The following GABBR2 variants were observed in gnomAD, a reference collection of about 807,000 sequenced individuals.
The protein encoded by GABBR2 is gamma-aminobutyric acid type B receptor subunit 2.
A neutral mutation model predicts 105.6 loss-of-function variants in GABBR2; 23 were observed. That is an observed-to-expected ratio of 0.22 (90% CI 0.16 to 0.31). The LOEUF is 0.31. Among genes scored for constraint, GABBR2 ranks in the 10% least tolerant of loss-of-function variants. The pLI is 1.00. For synonymous variants in GABBR2, 478 were observed against 499.7 expected, an observed-to-expected ratio of 0.96 and a Z score of 0.58; for missense variants, 734 against 1,245.5, an observed-to-expected ratio of 0.59 and a Z score of 6.18.
chr9:98,442,305 C>G (rs1019398837), intron 7 of GABBR2, among the ~76,000 whole-genome samples: 3 of 152,156 alleles, frequency 2.0e-5, no homozygotes, highest in Admixed American at 2.0e-4. Flanking sequence ...ACAGAGCTCC[C>G]CCTGGAAACT....
intron 7 of GABBR2, among the ~76,000 whole-genome samples, chr9:98,418,740 A>T (rs1469434628): frequency 6.6e-6 from 1 of 152,188 alleles, no homozygotes; most frequent in Admixed American, 6.5e-5. Flanking sequence ...GGTGATGCCT[A>T]CAGAGTTGGC....
At chr9:98,460,252 G>A (rs758987030) in intron 6 of GABBR2, among the ~76,000 whole-genome samples, 7 of 152,076 alleles carry the variant, frequency 4.6e-5, no homozygotes, top group Non-Finnish European at 8.8e-5. Flanking sequence ...GCATGGTGGC[G>A]GGCACCTGTA....
At chr9:98,386,864 G>T (rs1276628120) in intron 10 of GABBR2, among the ~76,000 whole-genome samples, 2 of 152,212 alleles carry the variant, frequency 1.3e-5, no homozygotes, top group African/African-American at 4.8e-5. Flanking sequence ...CGGCTTTCAA[G>T]TTGGGAGCAG....
chr9:98,414,497 A>G (rs1014414443), intron 7 of GABBR2, among the ~76,000 whole-genome samples: 2 of 152,222 alleles, frequency 1.3e-5, no homozygotes, highest in Non-Finnish European at 2.9e-5. Flanking sequence ...AAGGATGCTG[A>G]GCTTCATTTT....
intron 6 of GABBR2, among the ~76,000 whole-genome samples, chr9:98,466,065 A>G (rs1372242214): frequency 6.6e-6 from 1 of 152,204 alleles, no homozygotes; most frequent in Non-Finnish European, 1.5e-5. Flanking sequence ...CTTCTGCTCC[A>G]GACATGCCTG....
chr9:98,390,388 A>C (rs1343238430), intron 9 of GABBR2, among the ~76,000 whole-genome samples: 8 of 150,668 alleles, frequency 5.3e-5, no homozygotes, highest in African/African-American at 2.0e-4. Flanking sequence ...AAAAAAAAAA[A>C]AAAAAAAAAA....
chr9:98,603,499 A>G (rs183656894), intron 1 of GABBR2, among the ~76,000 whole-genome samples: 1 of 152,294 alleles, frequency 6.6e-6, no homozygotes, highest in Admixed American at 6.5e-5. Flanking sequence ...ATCCTTACTG[A>G]ACCTTCCAAC....
intron 9 of GABBR2, among the ~76,000 whole-genome samples, chr9:98,393,478 T>A (rs1832232169): frequency 6.7e-6 from 1 of 149,766 alleles, no homozygotes; most frequent in Non-Finnish European, 1.5e-5. Flanking sequence ...CATCCATCCA[T>A]CCACTCATCC....
intron 1 of GABBR2, among the ~76,000 whole-genome samples, chr9:98,586,284 CT>C (rs569530376): frequency 0.16 from 20,707 of 131,244 alleles, 1,174 homozygotes; most frequent in Middle Eastern, 0.26. Context: ...TCTTTTCTTT[CT>C]TTTTTTTTTT....
At chr9:98,387,360 CA>C (rs1323845872) in intron 10 of GABBR2, among the ~76,000 whole-genome samples, 2 of 152,286 alleles carry the variant, frequency 1.3e-5, no homozygotes, top group Non-Finnish European at 2.9e-5. Flanking sequence ...TATGATGGGG[CA>C]ACTTGCTGTC....
chr9:98,401,063 GA>G (rs144453984), intron 8 of GABBR2, among the ~76,000 whole-genome samples: 9,756 of 152,116 alleles, frequency 0.064, 415 homozygotes, highest in Non-Finnish European at 0.089. Flanking sequence ...TCACTGTTAA[GA>G]GTGCCCAAGA....
intron 13 of GABBR2, among the ~76,000 whole-genome samples, chr9:98,321,708 A>G (rs1038521419): frequency 6.6e-6 from 1 of 152,220 alleles, no homozygotes; most frequent in Non-Finnish European, 1.5e-5. Context: ...TCCCTCAGAC[A>G]TGGCATGGTA....
At chr9:98,638,239 A>G (rs1374382786) in intron 1 of GABBR2, among the ~76,000 whole-genome samples, 3 of 152,224 alleles carry the variant, frequency 2.0e-5, no homozygotes, top group Non-Finnish European at 4.4e-5. Flanking sequence ...AGTTACCCCA[A>G]GGTTGTCCTA....
chr9:98,400,951 C>T (rs181843458), intron 8 of GABBR2, among the ~76,000 whole-genome samples: 1 of 152,052 alleles, frequency 6.6e-6, no homozygotes, highest in Non-Finnish European at 1.5e-5. Flanking sequence ...CATGGACCAA[C>T]GACAATGACT....
intron 1 of GABBR2, among the ~76,000 whole-genome samples, chr9:98,609,232 C>A (rs1031151173): frequency 1.3e-5 from 2 of 152,208 alleles, no homozygotes; most frequent in Non-Finnish European, 2.9e-5. Context: ...CTCTTACAGA[C>A]TGGCATCCCA....
intron 3 of GABBR2, among the ~76,000 whole-genome samples, chr9:98,518,099 G>C (rs917891604): frequency 1.3e-5 from 2 of 152,168 alleles, no homozygotes; most frequent in Non-Finnish European, 2.9e-5. Flanking sequence ...TTCCTGGCTT[G>C]GTTAGAGCCC....
intron 4 of GABBR2, among the ~76,000 whole-genome samples, chr9:98,482,189 A>C (rs906081994): frequency 3.9e-5 from 6 of 152,244 alleles, no homozygotes; most frequent in African/African-American, 1.4e-4. Flanking sequence ...AAGTAGAAAA[A>C]TATGCTTTTA....
At chr9:98,340,661 G>A (rs189511066) in intron 13 of GABBR2, among the ~76,000 whole-genome samples, 1 of 152,272 alleles carries the variant, frequency 6.6e-6, no homozygotes, top group Admixed American at 6.5e-5. Flanking sequence ...CATCAGACAT[G>A]CAGTACGTAA....
intron 11 of GABBR2, among the ~76,000 whole-genome samples, chr9:98,372,230 G>A (rs1831797353): frequency 6.6e-6 from 1 of 152,212 alleles, no homozygotes; most frequent in Admixed American, 6.5e-5. Flanking sequence ...CCACCTGTTA[G>A]GTCTTAGGGG....
Sources: allele counts gnomAD v4.1 joint callset (sites outside exome capture counted in the v4.1 genomes callset), GRCh38; gene constraint gnomAD v4.1.1; transcripts MANE v1.5; gene names NCBI Gene and HGNC (gene_info 2026-07-23, HGNC 2026-07-21).